SASH1: variants seen among roughly 807,000 people sequenced by gnomAD.
SASH1 encodes the protein SAM and SH3 domain-containing protein 1.
SASH1 carries 44 observed loss-of-function variants against 125.2 expected under a neutral mutation model. That is an observed-to-expected ratio of 0.35 (90% CI 0.28 to 0.45). The LOEUF (loss-of-function observed/expected upper bound fraction) is 0.45. SASH1 is among the 20% of genes least tolerant of loss of function. The pLI, the probability that SASH1 is intolerant of heterozygous loss-of-function variation, is 1.00. For missense variants in SASH1, 1,426 were observed against 1,614.5 expected, an observed-to-expected ratio of 0.88 and a Z score of 2.00; for synonymous variants, 639 against 649.1, an observed-to-expected ratio of 0.98 and a Z score of 0.24.
intron 1 of SASH1, among the ~76,000 whole-genome samples, chr6:148,369,470 T>A (rs1165302474): frequency 6.6e-6 from 1 of 152,212 alleles, no homozygotes; most frequent in Non-Finnish European, 1.5e-5. Context: ...GTAATCGTTA[T>A]GGAGTTCTGG....
chr6:148,461,712 T>C (rs1777617135), intron 4 of SASH1, among the ~76,000 whole-genome samples: 1 of 152,212 alleles, frequency 6.6e-6, no homozygotes. Context: ...CTCTTGAGTT[T>C]TTATGGCAAC....
intron 7 of SASH1, among the ~76,000 whole-genome samples, chr6:148,484,315 G>A (rs56040251): frequency 1.3e-5 from 2 of 150,752 alleles, no homozygotes; most frequent in African/African-American, 2.5e-5. Flanking sequence ...AACACAGGAT[G>A]TGAGGGAATG....
chr6:148,494,639 AC>A (rs575320453), intron 8 of SASH1, among the ~76,000 whole-genome samples: 2 of 152,174 alleles, frequency 1.3e-5, no homozygotes, highest in Non-Finnish European at 2.9e-5. Context: ...AAAACAAAAA[AC>A]AAAAACAAAA....
intron 1 of SASH1, among the ~76,000 whole-genome samples, chr6:148,321,744 G>A (rs1780638673): frequency 6.6e-6 from 1 of 152,096 alleles, no homozygotes; most frequent in African/African-American, 2.4e-5. Flanking sequence ...GAAATCCATC[G>A]AAGATGGTCT....
Position 148,549,425 on chromosome 6 carries a change from G to A in SASH1, c.*867G>A, listed in dbSNP as rs74981665. ...CATGTGTGTGCGTGCGTGCGTGCGCGTGTGTGTCTGTATTCATAGTGACTG... is the reference window on the plus strand; with the variant it reads ...CATGTGTGTGCGTGCGTGCGTGCGCATGTGTGTCTGTATTCATAGTGACTG... On this transcript the variant is annotated 3_prime_UTR_variant, in exon 20 of 20. Transcript: ENST00000367467. The A allele has an allele frequency of 5.0e-3, 1,970 of 391,548 alleles. 38 individuals are homozygous for A. Among genetic ancestry groups the A allele is most frequent in the African/African-American group, 0.038 (1,808 of 47,484 alleles). 24.3% of individuals were successfully genotyped at this position (391,548 alleles called of 1,614,324 possible).
intron 16 of SASH1, among the ~76,000 whole-genome samples, chr6:148,538,076 C>T (rs28592230): frequency 0.036 from 5,475 of 152,218 alleles, 136 homozygotes; most frequent in African/African-American, 0.059. Flanking sequence ...CACCTCACCT[C>T]TTTTTCTCTT....
chr6:148,547,182 C>T (rs62432357), intron 19 of SASH1, among the ~76,000 whole-genome samples: 28,214 of 152,106 alleles, frequency 0.19, 2,985 homozygotes, highest in Admixed American at 0.27. Flanking sequence ...TGGCCAGCAT[C>T]GTTACTCTTG....
chr6:148,467,184 C>T (rs541677583), intron 4 of SASH1, among the ~76,000 whole-genome samples: 1 of 143,806 alleles, frequency 7.0e-6, no homozygotes, highest in South Asian at 2.3e-4. Flanking sequence ...TCAACCTCTG[C>T]CTCCCAGATT....
chr6:148,312,795 C>T (rs527388472), intron 1 of SASH1, among the ~76,000 whole-genome samples: 1 of 152,098 alleles, frequency 6.6e-6, no homozygotes, highest in Non-Finnish European at 1.5e-5. Flanking sequence ...TAATTCCAGC[C>T]TTAGGAGATA....
At chr6:148,403,227 C>T (rs1431654969) in intron 2 of SASH1, among the ~76,000 whole-genome samples, 13 of 151,582 alleles carry the variant, frequency 8.6e-5, no homozygotes, top group East Asian at 7.8e-4. Context: ...GATATCAAAA[C>T]GCTATATTAT....
chr6:148,480,947 CAG>C (rs1778588480), intron 7 of SASH1, among the ~76,000 whole-genome samples: 1 of 151,566 alleles, frequency 6.6e-6, no homozygotes, highest in Non-Finnish European at 1.5e-5. Context: ...ATGGCATTAA[CAG>C]ACATTTTCTA....
chr6:148,197,253 A>G, the SASH1 span, among the ~76,000 whole-genome samples: 10 of 152,206 alleles, frequency 6.6e-5, no homozygotes, highest in Non-Finnish European at 1.3e-4. Flanking sequence ...GTACAAGTGG[A>G]GTAAGGAGAA....
chr6:148,252,937 A>G, the SASH1 span, among the ~76,000 whole-genome samples: 800 of 152,276 alleles, frequency 5.3e-3, 7 homozygotes, highest in African/African-American at 0.018. Flanking sequence ...CAGCTCTAGG[A>G]CCTAGAAAAA....
At chr6:148,522,023 T>C (rs573553390) in intron 10 of SASH1, among the ~76,000 whole-genome samples, 9 of 152,224 alleles carry the variant, frequency 5.9e-5, no homozygotes, top group Non-Finnish European at 1.2e-4. Flanking sequence ...TTGTGCTAGT[T>C]AGTGTTGTAG....
At chr6:148,462,637 T>C (rs1777668859) in intron 4 of SASH1, among the ~76,000 whole-genome samples, 1 of 152,098 alleles carries the variant, frequency 6.6e-6, no homozygotes, top group South Asian at 2.1e-4. Flanking sequence ...CATGGTGAGG[T>C]TTGGTGTTGA....
chr6:148,531,801 C>A, intron 13 of SASH1, 140 bp downstream of exon 13: 2 of 616,918 alleles, frequency 3.2e-6, no homozygotes, highest in Non-Finnish European at 4.8e-6. Flanking sequence ...GACCAATAAA[C>A]TCTCTGGACT....
chr6:148,545,793 G>C (rs1391783865), intron 18 of SASH1, among the ~76,000 whole-genome samples: 1 of 152,174 alleles, frequency 6.6e-6, no homozygotes, highest in African/African-American at 2.4e-5. Context: ...TCAAACTTTT[G>C]GGTTGGGTGT....
intron 7 of SASH1, among the ~76,000 whole-genome samples, chr6:148,481,618 A>C (rs1778621914): frequency 6.6e-6 from 1 of 152,062 alleles, no homozygotes; most frequent in South Asian, 2.1e-4. Context: ...GGAAATGGGG[A>C]GGCTTGAGCA....
chr6:148,362,149 G>T (rs980901972), intron 1 of SASH1, among the ~76,000 whole-genome samples: 1 of 151,384 alleles, frequency 6.6e-6, no homozygotes, highest in African/African-American at 2.4e-5. Context: ...GGATGGTCTC[G>T]ATATCCTGAC....
Sources: allele counts gnomAD v4.1 joint callset (sites outside exome capture counted in the v4.1 genomes callset), GRCh38; gene constraint gnomAD v4.1.1; transcripts MANE v1.5; gene names NCBI Gene and HGNC (gene_info 2026-07-23, HGNC 2026-07-21).